The following CSGALNACT1 variants were observed in gnomAD, a reference collection of about 807,000 sequenced individuals.
CSGALNACT1 encodes beta4GalNAcT-1.
CSGALNACT1 carries 52 observed loss-of-function variants against 51.0 expected under a neutral mutation model. The observed-to-expected ratio is 1.02, with a 90% CI of 0.82 to 1.29. The LOEUF (loss-of-function observed/expected upper bound fraction) is 1.29. CSGALNACT1 is among the 50% of genes most tolerant of loss of function. The pLI, the probability that CSGALNACT1 is intolerant of heterozygous loss-of-function variation, is 0.00. For synonymous variants in CSGALNACT1, 341 were observed against 254.4 expected (o/e 1.34, Z -3.24); for missense variants, 935 against 679.2 (o/e 1.38, Z -4.19).
chr8:19,488,707 A>C (rs146049232), intron 4 of CSGALNACT1, among the ~76,000 whole-genome samples: 1 of 152,192 alleles, frequency 6.6e-6, no homozygotes, highest in Non-Finnish European at 1.5e-5. Context: ...AGGCACTGCT[A>C]TAATGACATG....
rs144241097 is a variant in CSGALNACT1 at position 19,720,335 on chromosome 8, G to A, written c.-297+37515C>T. Reference sequence around the variant, plus strand: ...TCCACACATGGTTCTCATGTATCAGGGAGAGATAAGAAACTCGGAGGAATA... The same window carrying A: ...TCCACACATGGTTCTCATGTATCAGAGAGAGATAAGAAACTCGGAGGAATA... On this transcript the variant is annotated intron_variant, in intron 1 of 1. Coordinates refer to the CSGALNACT1 transcript ENST00000517494. Among the ~76,000 whole-genome samples the A allele has an allele frequency of 6.6e-3, 1,007 of 152,296 alleles. 8 individuals are homozygous for A. Among genetic ancestry groups the A allele is most frequent in the Non-Finnish European group, 0.011 (725 of 68,028 alleles).
intron 4 of CSGALNACT1, among the ~76,000 whole-genome samples, chr8:19,461,629 TCCGCACAGCGGCCACATTCACCATGGGG>T: frequency 7.8e-6 from 1 of 128,966 alleles, no homozygotes. Context: ...GGGGGGCGTA[TCCGCACAGCGGCCACATTCACCATGGGG>T]GGCGTATCCG....
intron 1 of CSGALNACT1, among the ~76,000 whole-genome samples, chr8:19,674,303 A>T (rs985710916): frequency 4.6e-5 from 7 of 152,028 alleles, no homozygotes; most frequent in African/African-American, 7.2e-5. Context: ...AAAAAAAAAA[A>T]TTTTAAGGGA....
chr8:19,463,892 T>A (rs991112097), intron 4 of CSGALNACT1, among the ~76,000 whole-genome samples: 2 of 152,138 alleles, frequency 1.3e-5, no homozygotes, highest in African/African-American at 4.8e-5. Flanking sequence ...AAGACAGAGA[T>A]CTGTAATCTA....
chr8:19,533,914 G>C (rs1429689188), intron 3 of CSGALNACT1, among the ~76,000 whole-genome samples: 2 of 152,110 alleles, frequency 1.3e-5, no homozygotes, highest in African/African-American at 4.8e-5. Context: ...GGAAGAAAAA[G>C]AGAATCTTTA....
intron 3 of CSGALNACT1, among the ~76,000 whole-genome samples, chr8:19,556,810 G>C (rs922834439): frequency 6.6e-6 from 1 of 151,832 alleles, no homozygotes; most frequent in African/African-American, 2.4e-5. Context: ...CAATTTTCAG[G>C]TCAACAGACA....
intron 4 of CSGALNACT1, among the ~76,000 whole-genome samples, chr8:19,479,094 G>A (rs1270271843): frequency 6.6e-6 from 1 of 152,202 alleles, no homozygotes; most frequent in African/African-American, 2.4e-5. Flanking sequence ...TATGATACAT[G>A]CATTGTTATG....
intron 8 of CSGALNACT1, among the ~76,000 whole-genome samples, chr8:19,413,316 G>A (rs568133017): frequency 1.1e-3 from 173 of 152,216 alleles, no homozygotes; most frequent in African/African-American, 4.1e-3. Flanking sequence ...CTCAGCCCAG[G>A]TGCGGTCACA....
intron 8 of CSGALNACT1, among the ~76,000 whole-genome samples, chr8:19,412,249 C>T (rs186900258): frequency 3.5e-4 from 53 of 152,298 alleles, no homozygotes; most frequent in African/African-American, 1.3e-3. Flanking sequence ...CATGAATGTA[C>T]CACAAAAGGA....
intron 1 of CSGALNACT1, among the ~76,000 whole-genome samples, chr8:19,755,474 A>AAAAAAAAAAAAAAAAAAAAAAAAAAAAAT (rs1198641722): frequency 6.7e-6 from 1 of 150,202 alleles, no homozygotes; most frequent in Non-Finnish European, 1.5e-5. Context: ...AAAAAAAAAA[A>AAAAAAAAAAAAAAAAAAAAAAAAAAAAAT]AAAAAAAGAC....
chr8:19,432,259 C>G (rs2059756488), intron 6 of CSGALNACT1, among the ~76,000 whole-genome samples: 1 of 152,114 alleles, frequency 6.6e-6, no homozygotes, highest in Non-Finnish European at 1.5e-5. Flanking sequence ...AAATCTTTTT[C>G]TCACTTTGAA....
At chr8:19,734,758 G>A (rs1048620394) in intron 1 of CSGALNACT1, among the ~76,000 whole-genome samples, 2 of 152,082 alleles carry the variant, frequency 1.3e-5, no homozygotes, top group African/African-American at 4.8e-5. Flanking sequence ...CCGGATAGCT[G>A]AAGAAAACCT....
At chr8:19,694,149 A>G (rs2061469173) in intron 1 of CSGALNACT1, among the ~76,000 whole-genome samples, 1 of 152,204 alleles carries the variant, frequency 6.6e-6, no homozygotes, top group African/African-American at 2.4e-5. Context: ...GAAGTTTGTG[A>G]CTTGAAATAA....
chr8:19,641,353 C>T (rs1386666128), intron 1 of CSGALNACT1, among the ~76,000 whole-genome samples: 2 of 152,068 alleles, frequency 1.3e-5, no homozygotes, highest in Non-Finnish European at 2.9e-5. Context: ...ATCAGATTTA[C>T]AAGCTGCCTT....
At chr8:19,460,422 A>T (rs2065106552) in intron 4 of CSGALNACT1, among the ~76,000 whole-genome samples, 1 of 152,240 alleles carries the variant, frequency 6.6e-6, no homozygotes, top group Admixed American at 6.5e-5. Flanking sequence ...GGAAAAACAT[A>T]CAATAGCTAG....
intron 3 of CSGALNACT1, among the ~76,000 whole-genome samples, chr8:19,532,241 C>T (rs959093143): frequency 6.6e-6 from 1 of 151,944 alleles, no homozygotes; most frequent in African/African-American, 2.4e-5. Context: ...TCATTTTGAT[C>T]CTGGAAGCCC....
intron 4 of CSGALNACT1, among the ~76,000 whole-genome samples, chr8:19,501,182 A>T (rs1292522858): frequency 6.6e-6 from 1 of 150,876 alleles, no homozygotes; most frequent in African/African-American, 2.4e-5. Flanking sequence ...ACTGGGAGAC[A>T]GAGGTTGAAG....
chr8:19,626,777 C>T (rs1046202077), intron 1 of CSGALNACT1, among the ~76,000 whole-genome samples: 4 of 152,088 alleles, frequency 2.6e-5, no homozygotes, highest in African/African-American at 4.8e-5. Flanking sequence ...ACAGACAGAC[C>T]TTCACCAAAG....
At chr8:19,554,282 TC>T (rs1438786372) in intron 3 of CSGALNACT1, among the ~76,000 whole-genome samples, 1 of 152,168 alleles carries the variant, frequency 6.6e-6, no homozygotes. Context: ...TGGAGCAATG[TC>T]TTCAAAGCTC....
Sources: allele counts gnomAD v4.1 joint callset (sites outside exome capture counted in the v4.1 genomes callset), GRCh38; gene constraint gnomAD v4.1.1; transcripts MANE v1.5; gene names NCBI Gene and HGNC (gene_info 2026-07-23, HGNC 2026-07-21).